Variants in ST6GALNAC3 observed in about 807,000 individuals in gnomAD.
ST6GALNAC3 encodes the protein ST6 N-acetylgalactosaminide alpha-2,6-sialyltransferase 3.
In ST6GALNAC3, 25 loss-of-function variants were observed where a neutral mutation model predicts 32.7. The ratio of observed to expected loss-of-function variants is 0.76; its 90% confidence interval spans 0.56 to 1.07. ST6GALNAC3 has a LOEUF of 1.07. Ranked by LOEUF, ST6GALNAC3 falls within the 50% of genes least tolerant of loss-of-function variation. The pLI is 0.00. For missense variants in ST6GALNAC3, 355 were observed against 382.4 expected, an observed-to-expected ratio of 0.93 and a Z score of 0.60; for synonymous variants, 129 against 133.1, an observed-to-expected ratio of 0.97 and a Z score of 0.21.
intron 3 of ST6GALNAC3, among the ~76,000 whole-genome samples, chr1:76,625,657 T>C (rs1021217948): frequency 6.6e-6 from 1 of 151,864 alleles, no homozygotes; most frequent in African/African-American, 2.4e-5. Context: ...ATTCCCATCA[T>C]TGCTGCTCCT....
intron 1 of ST6GALNAC3, among the ~76,000 whole-genome samples, chr1:76,145,512 A>C (rs1326615561): frequency 6.6e-6 from 1 of 152,116 alleles, no homozygotes. Context: ...CATGCATGTT[A>C]CTCTTTGAGA....
At chr1:76,175,001 A>T (rs1438238968) in intron 1 of ST6GALNAC3, among the ~76,000 whole-genome samples, 1 of 152,114 alleles carries the variant, frequency 6.6e-6, no homozygotes, top group Admixed American at 6.5e-5. Flanking sequence ...CTACTTAATG[A>T]TACCTATTAC....
chr1:76,446,111 A>G (rs1025791322), intron 3 of ST6GALNAC3, among the ~76,000 whole-genome samples: 4 of 152,210 alleles, frequency 2.6e-5, no homozygotes, highest in Non-Finnish European at 5.9e-5. Context: ...ACAATATGCT[A>G]TGGTTACATT....
chr1:76,344,114 A>T (rs1648293938), intron 2 of ST6GALNAC3, among the ~76,000 whole-genome samples: 1 of 152,362 alleles, frequency 6.6e-6, no homozygotes, highest in East Asian at 1.9e-4. Flanking sequence ...TATGAAAGAA[A>T]CAAACATGAT....
intron 1 of ST6GALNAC3, among the ~76,000 whole-genome samples, chr1:76,306,578 C>G (rs1661066113): frequency 6.6e-6 from 1 of 151,658 alleles, no homozygotes. Context: ...TTCATGGGTA[C>G]CACTGTAATA....
At chr1:76,499,227 A>G (rs1661037191) in intron 3 of ST6GALNAC3, among the ~76,000 whole-genome samples, 1 of 152,200 alleles carries the variant, frequency 6.6e-6, no homozygotes, top group Non-Finnish European at 1.5e-5. Flanking sequence ...GAATATGGGG[A>G]AAAACTGTTG....
intron 1 of ST6GALNAC3, among the ~76,000 whole-genome samples, chr1:76,301,674 CATG>C (rs1660732762): frequency 6.6e-6 from 1 of 151,858 alleles, no homozygotes; most frequent in African/African-American, 2.4e-5. Flanking sequence ...GACTGTTTAA[CATG>C]CATGTTTCAC....
chr1:76,465,332 A>G (rs757139261), intron 3 of ST6GALNAC3, among the ~76,000 whole-genome samples: 23 of 152,178 alleles, frequency 1.5e-4, no homozygotes, highest in Non-Finnish European at 2.8e-4. Flanking sequence ...CTGCTTGCAC[A>G]TTATTCCATT....
intron 3 of ST6GALNAC3, among the ~76,000 whole-genome samples, chr1:76,549,417 T>C (rs892267783): frequency 6.6e-6 from 1 of 151,628 alleles, no homozygotes; most frequent in Admixed American, 6.6e-5. Flanking sequence ...ATTTTGCAGG[T>C]TTTCAAGCTG....
At chr1:76,174,295 C>T (rs2100433096) in intron 1 of ST6GALNAC3, among the ~76,000 whole-genome samples, 1 of 152,190 alleles carries the variant, frequency 6.6e-6, no homozygotes, top group South Asian at 2.1e-4. Flanking sequence ...GAGAGTGGAA[C>T]AATGTGCACT....
At chr1:76,485,701 G>A (rs1660061712) in intron 3 of ST6GALNAC3, among the ~76,000 whole-genome samples, 1 of 152,026 alleles carries the variant, frequency 6.6e-6, no homozygotes, top group Non-Finnish European at 1.5e-5. Context: ...TTTTTTGAAG[G>A]GTTTTTTGTG....
intron 3 of ST6GALNAC3, 58 bp downstream of exon 3, chr1:76,412,475 G>T: frequency 1.4e-6 from 2 of 1,481,310 alleles, no homozygotes; most frequent in East Asian, 2.3e-5. Context: ...CTAAATCTTC[G>T]CCAATTCCTT....
chr1:76,363,360 A>AC (rs1650116424), intron 2 of ST6GALNAC3, among the ~76,000 whole-genome samples: 1 of 152,084 alleles, frequency 6.6e-6, no homozygotes, highest in African/African-American at 2.4e-5. Context: ...AATGACATTT[A>AC]CTCCAGTTCC....
chr1:76,456,266 T>C (rs918997102), intron 3 of ST6GALNAC3, among the ~76,000 whole-genome samples: 2 of 152,198 alleles, frequency 1.3e-5, no homozygotes, highest in African/African-American at 4.8e-5. Context: ...TTCTATGCCA[T>C]TAGATGAGAA....
intron 1 of ST6GALNAC3, among the ~76,000 whole-genome samples, chr1:76,247,210 G>A (rs1221939749): frequency 6.6e-6 from 1 of 152,098 alleles, no homozygotes; most frequent in African/African-American, 2.4e-5. Context: ...AATGCTAGCC[G>A]GATCTCTCCT....
intron 1 of ST6GALNAC3, among the ~76,000 whole-genome samples, chr1:76,208,324 A>T (rs1339732873): frequency 6.6e-6 from 1 of 152,268 alleles, no homozygotes; most frequent in African/African-American, 2.4e-5. Flanking sequence ...GCAAATGATG[A>T]GATGTCACAC....
chr1:76,627,572 G>T lies in ST6GALNAC3; in HGVS notation c.731+13G>T, dbSNP rs751608794. The T allele has an allele frequency of 1.7e-5, 27 of 1,579,374 alleles. No individual in the cohort carries two copies. The highest frequency in any genetic ancestry group is 1.4e-5 in the Non-Finnish European group (16 of 1,149,588). ...ACACCTACTGCAAGTAAGATCACAA[G>T]AAATTATTTTTATGCAGCTCCAATT... On this transcript the variant is annotated intron_variant, in intron 4 of 4. Coordinates refer to ENST00000328299, the MANE Select transcript of ST6GALNAC3 (RefSeq NM_152996.4).
At chr1:76,265,917 G>T (rs546265760) in intron 1 of ST6GALNAC3, among the ~76,000 whole-genome samples, 51 of 152,248 alleles carry the variant, frequency 3.3e-4, no homozygotes, top group African/African-American at 1.0e-3. Context: ...CATAGGACTG[G>T]TTAGGACCTA....
chr1:76,279,412 T>G (rs1167880744), intron 1 of ST6GALNAC3, among the ~76,000 whole-genome samples: 2 of 152,212 alleles, frequency 1.3e-5, no homozygotes, highest in African/African-American at 4.8e-5. Context: ...TCTGTGATCC[T>G]CAGGGGTGGA....
Sources: gnomAD v4.1 joint callset for allele counts (sites outside exome capture counted in the v4.1 genomes callset) on GRCh38, gnomAD v4.1.1 for gene constraint, MANE v1.5 for transcripts, NCBI Gene and HGNC (gene_info 2026-07-23, HGNC 2026-07-21) for gene names.